LTBP1: variants seen among roughly 807,000 people sequenced by gnomAD.
LTBP1 encodes the protein latent transforming growth factor beta binding protein 1, also known as latent-transforming growth factor beta-binding protein 1.
A neutral mutation model predicts 207.6 loss-of-function variants in LTBP1; 129 were observed. The ratio of observed to expected loss-of-function variants is 0.62; its 90% confidence interval spans 0.54 to 0.72. The LOEUF (loss-of-function observed/expected upper bound fraction) is 0.72. Ranked by LOEUF, LTBP1 falls within the 30% of genes least tolerant of loss-of-function variation. The probability of loss-of-function intolerance (pLI) is 0.00; values close to 1 mark genes in which losing one functional copy is unlikely to be tolerated. For missense variants in LTBP1, 2,281 were observed against 2,217.2 expected (o/e 1.03, Z -0.58); for synonymous variants, 963 against 833.7 (o/e 1.16, Z -2.67).
intron 5 of LTBP1, among the ~76,000 whole-genome samples, chr2:33,150,704 C>CT (rs1211013076): frequency 9.2e-5 from 10 of 108,836 alleles, no homozygotes; most frequent in South Asian, 3.1e-4. Context: ...TTTCTTTTTT[C>CT]TTTTTCTTTT....
At chr2:32,963,358 C>G (rs1459879923) in intron 2 of LTBP1, among the ~76,000 whole-genome samples, 2 of 145,408 alleles carry the variant, frequency 1.4e-5, no homozygotes, top group Non-Finnish European at 3.0e-5. Flanking sequence ...ATGCATGCCA[C>G]CATGCCCAGC....
intron 5 of LTBP1, among the ~76,000 whole-genome samples, chr2:33,170,346 G>T (rs2085311145): frequency 1.3e-5 from 2 of 149,894 alleles, no homozygotes; most frequent in Non-Finnish European, 3.0e-5. Context: ...CGCACCACGA[G>T]ATTATATCCC....
intron 11 of LTBP1, among the ~76,000 whole-genome samples, chr2:33,255,984 C>T (rs558953781): frequency 6.6e-6 from 1 of 152,158 alleles, no homozygotes; most frequent in Non-Finnish European, 1.5e-5. Flanking sequence ...AGGCCACACA[C>T]TGCCTTACCC....
intron 3 of LTBP1, among the ~76,000 whole-genome samples, chr2:33,052,872 A>T (rs1200816706): frequency 2.7e-5 from 3 of 111,754 alleles, no homozygotes; most frequent in Non-Finnish European, 5.8e-5. Context: ...ATAGTTTTTA[A>T]AACAGGCTTT....
At chr2:33,312,417 T>TTAA (rs1221983872) in intron 23 of LTBP1, among the ~76,000 whole-genome samples, 1 of 152,212 alleles carries the variant, frequency 6.6e-6, no homozygotes, top group Non-Finnish European at 1.5e-5. Flanking sequence ...AAATTCCATG[T>TTAA]TAATAGTCTC....
chr2:33,152,377 C>T (rs118076374), intron 5 of LTBP1, among the ~76,000 whole-genome samples: 2,292 of 152,236 alleles, frequency 0.015, 23 homozygotes, highest in East Asian at 0.027. Flanking sequence ...TACCACCTCA[C>T]GCCTGCAAGA....
intron 4 of LTBP1, among the ~76,000 whole-genome samples, chr2:33,119,783 C>T (rs545652299): frequency 6.6e-6 from 1 of 152,146 alleles, no homozygotes; most frequent in Non-Finnish European, 1.5e-5. Context: ...TGGTCTTGAT[C>T]TCCCGACCTC....
intron 31 of LTBP1, among the ~76,000 whole-genome samples, chr2:33,384,958 C>G (rs991152284): frequency 6.6e-6 from 1 of 152,132 alleles, no homozygotes; most frequent in East Asian, 1.9e-4. Flanking sequence ...ATTTCCATTG[C>G]TTTCCTGAAA....
chr2:33,204,244 A>G (rs944904029), intron 7 of LTBP1, among the ~76,000 whole-genome samples: 11 of 152,142 alleles, frequency 7.2e-5, no homozygotes, highest in African/African-American at 2.4e-4. Context: ...CTTAAATAAA[A>G]TAATTTATAT....
At chr2:33,398,113 T>C (rs570760260) in intron 33 of LTBP1, among the ~76,000 whole-genome samples, 1 of 152,336 alleles carries the variant, frequency 6.6e-6, no homozygotes, top group East Asian at 1.9e-4. Context: ...CTTGAGGTTC[T>C]ACTAGAAAAT....
At chr2:33,188,427 CAAAAAAAA>C in intron 6 of LTBP1, 142 bp from the exon 7 acceptor site, 1 of 344,226 alleles carries the variant, frequency 2.9e-6, no homozygotes, top group Non-Finnish European at 4.9e-6. Flanking sequence ...AACTCCATCT[CAAAAAAAA>C]AAAAAAAAAG....
In LTBP1 at chr2:33,315,151, T is replaced by C. The variant is rs747645587; in HGVS notation, c.3612T>C (p.Asn1204=). The change falls in exon 24 of 34, where the codon AAT becomes AAC. Residue 1204 remains asparagine, a synonymous_variant. Transcript: ENST00000404816. Reference sequence around the variant, plus strand: ...CTCTATTTTAAATTACAGATATTAATGAATGTGAACATCCAGGGCTCTGTG... The same window carrying C: ...CTCTATTTTAAATTACAGATATTAACGAATGTGAACATCCAGGGCTCTGTG... ...LDDNKTCQDI[N]ECEHPGLCGP... is the part of the protein sequence containing the mutation. The C allele has an allele frequency of 3.1e-6, 5 of 1,597,862 alleles. No homozygotes were observed. The South Asian group carries it at 5.7e-5, about 18-fold the overall frequency.
At chr2:33,123,743 C>T (rs1318074296) in intron 4 of LTBP1, among the ~76,000 whole-genome samples, 3 of 152,118 alleles carry the variant, frequency 2.0e-5, no homozygotes, top group Non-Finnish European at 4.4e-5. Context: ...AGGTAAGTTC[C>T]ACCCTCCTCC....
chr2:32,975,896 T>C (rs1681703263), intron 2 of LTBP1, among the ~76,000 whole-genome samples: 1 of 152,190 alleles, frequency 6.6e-6, no homozygotes, highest in African/African-American at 2.4e-5. Flanking sequence ...GAATTCTATG[T>C]CTGTCATTTC....
intron 3 of LTBP1, among the ~76,000 whole-genome samples, chr2:33,025,656 G>A (rs986690420): frequency 1.3e-5 from 2 of 152,218 alleles, no homozygotes; most frequent in African/African-American, 2.4e-5. Context: ...TGGGAGCTGT[G>A]ATGATGGCAT....
intron 10 of LTBP1, among the ~76,000 whole-genome samples, chr2:33,249,323 T>TCA (rs61249844): frequency 0.087 from 12,290 of 141,202 alleles, 593 homozygotes; most frequent in African/African-American, 0.14. Flanking sequence ...GTCTGATTTT[T>TCA]CACACACACA....
intron 3 of LTBP1, among the ~76,000 whole-genome samples, chr2:33,050,758 G>T (rs574776905): frequency 1.4e-3 from 206 of 147,402 alleles, no homozygotes; most frequent in African/African-American, 5.0e-3. Flanking sequence ...TTTTGAGACC[G>T]AGTCTCGCTC....
chr2:33,298,880 G>A (rs2093931323), intron 20 of LTBP1, among the ~76,000 whole-genome samples: 2 of 152,178 alleles, frequency 1.3e-5, no homozygotes, highest in Non-Finnish European at 2.9e-5. Context: ...AACTATGTCA[G>A]TATTTCAGTA....
chr2:33,142,554 G>C (rs911448489), intron 5 of LTBP1, among the ~76,000 whole-genome samples: 7 of 152,162 alleles, frequency 4.6e-5, no homozygotes, highest in African/African-American at 1.4e-4. Flanking sequence ...CTTGGAACAA[G>C]AAGGGCAATA....
Sources: gnomAD v4.1 joint callset for allele counts (sites outside exome capture counted in the v4.1 genomes callset) on GRCh38, gnomAD v4.1.1 for gene constraint, MANE v1.5 for transcripts, NCBI Gene and HGNC (gene_info 2026-07-23, HGNC 2026-07-21) for gene names.